Variants in KRABD2 observed in about 807,000 individuals in gnomAD.
The protein encoded by KRABD2 is KRAB domain-containing protein 2.
At chr17:8,373,409 C>T in the KRABD2 span, 2 of 173,236 alleles carry the variant, frequency 1.2e-5, no homozygotes, top group Non-Finnish European at 1.2e-5. Flanking sequence ...CTCCTGACCG[C>T]GAGTGGTCTG....
At chr17:8,372,934 C>T in the KRABD2 span, among the ~76,000 whole-genome samples, 3 of 152,278 alleles carry the variant, frequency 2.0e-5, no homozygotes, top group East Asian at 5.8e-4. This position sits in a 1 kb window ranked among gnomAD's most constrained non-coding sequence, Gnocchi z 4.1. Context: ...ATGAAGGCAA[C>T]AGGCTAGAAA....
chr17:8,376,290 C>T, the KRABD2 span: 1 of 1,227,714 alleles, frequency 8.1e-7, no homozygotes, highest in Non-Finnish European at 1.0e-6. Context: ...TTTGCTGACT[C>T]TTATCATTTA....
the KRABD2 span, chr17:8,370,267 C>A: frequency 6.2e-7 from 1 of 1,613,326 alleles, no homozygotes; most frequent in Non-Finnish European, 8.5e-7. Context: ...AACTTTGTTA[C>A]ACTCATAAGA....
chr17:8,360,757 A>C, the KRABD2 span, among the ~76,000 whole-genome samples: 3 of 152,214 alleles, frequency 2.0e-5, no homozygotes, highest in African/African-American at 7.2e-5. Context: ...CAAACTAAAA[A>C]AAACAAACAA....
chr17:8,376,159 C>G, the KRABD2 span: 1 of 1,231,514 alleles, frequency 8.1e-7, no homozygotes, highest in South Asian at 4.1e-5. Flanking sequence ...GGAGGGCCCA[C>G]GAATACAGAG....
the KRABD2 span, among the ~76,000 whole-genome samples, chr17:8,363,855 ATATATATT>A: frequency 0.044 from 3,008 of 67,616 alleles, 72 homozygotes; most frequent in African/African-American, 0.064. Context: ...ATATATATAT[ATATATATT>A]TATTTATTTA....
chr17:8,361,225 C>G, the KRABD2 span, among the ~76,000 whole-genome samples: 4 of 152,080 alleles, frequency 2.6e-5, no homozygotes, highest in Non-Finnish European at 4.4e-5. Flanking sequence ...GGGACATGTG[C>G]CCTGGCAGGA....
the KRABD2 span, among the ~76,000 whole-genome samples, chr17:8,374,937 C>CAAAAAAAAAAAAAAAAAAAAAAAAA: frequency 4.1e-4 from 19 of 46,180 alleles, 1 homozygote; most frequent in East Asian, 1.1e-3. Flanking sequence ...GACTCTGTCA[C>CAAAAAAAAAAAAAAAAAAAAAAAAA]AAAAAAAAAA....
the KRABD2 span, among the ~76,000 whole-genome samples, chr17:8,362,932 C>G: frequency 6.6e-6 from 1 of 152,152 alleles, no homozygotes; most frequent in Non-Finnish European, 1.5e-5. This position sits in a 1 kb window ranked among gnomAD's most constrained non-coding sequence, Gnocchi z 4.2. Flanking sequence ...CTAGACTGGT[C>G]AAGGCAAGAA....
chr17:8,370,304 C>A, the KRABD2 span: 2 of 1,611,184 alleles, frequency 1.2e-6, no homozygotes, highest in Non-Finnish European at 1.7e-6. Context: ...TACTTATCTC[C>A]ATTTCCATTT....
chr17:8,358,938 A>G, the KRABD2 span, among the ~76,000 whole-genome samples: 1 of 152,228 alleles, frequency 6.6e-6, no homozygotes, highest in Non-Finnish European at 1.5e-5. Flanking sequence ...TACTCTTCAG[A>G]CAATATTCAC....
At chr17:8,371,612 G>A in the KRABD2 span, 2 of 1,476,748 alleles carry the variant, frequency 1.4e-6, no homozygotes, top group South Asian at 1.4e-5. Flanking sequence ...CTAACAAGAT[G>A]AGTACAGCTT....
the KRABD2 span, among the ~76,000 whole-genome samples, chr17:8,373,149 C>CTCTCCGTCTCCG: frequency 2.8e-4 from 42 of 150,082 alleles, no homozygotes; most frequent in African/African-American, 6.4e-4. Context: ...CTCTCTCCCT[C>CTCTCCGTCTCCG]TCTCCGTCTC....
the KRABD2 span, chr17:8,371,252 C>T: frequency 3.9e-3 from 5,278 of 1,362,212 alleles, 29 homozygotes; most frequent in Non-Finnish European, 4.1e-3. Context: ...TTTTAAATGA[C>T]GGTTTCCCCT....
At chr17:8,362,198 C>T in the KRABD2 span, among the ~76,000 whole-genome samples, 2 of 151,932 alleles carry the variant, frequency 1.3e-5, no homozygotes, top group Admixed American at 6.6e-5. The surrounding 1 kb of genome is among the most constrained non-coding windows in gnomAD (Gnocchi z 4.2). Flanking sequence ...GGCGTGTTGG[C>T]GGGTGCCTGT....
the KRABD2 span, among the ~76,000 whole-genome samples, chr17:8,363,106 G>T: frequency 6.6e-6 from 1 of 152,294 alleles, no homozygotes; most frequent in African/African-American, 2.4e-5. Flanking sequence ...AATTGGCTAG[G>T]GGCAGTGAGG....
chr17:8,369,455 T>C, the KRABD2 span: 1 of 1,614,090 alleles, frequency 6.2e-7, no homozygotes, highest in Admixed American at 1.7e-5. Flanking sequence ...ATCGGAGGCC[T>C]TTGGCCCAGT....
chr17:8,373,178 C>CCTCTCCCTCTCT, the KRABD2 span, among the ~76,000 whole-genome samples: 4 of 148,840 alleles, frequency 2.7e-5, no homozygotes, highest in African/African-American at 1.0e-4. Context: ...TCTCCGTCTC[C>CCTCTCCCTCTCT]ACGGTCTCCC....
At chr17:8,372,602 G>A in the KRABD2 span, among the ~76,000 whole-genome samples, 1 of 152,198 alleles carries the variant, frequency 6.6e-6, no homozygotes, top group African/African-American at 2.4e-5. This position sits in a 1 kb window ranked among gnomAD's most constrained non-coding sequence, Gnocchi z 4.1. Flanking sequence ...GGTCCTACTA[G>A]TTCTAACAGA....
Sources: allele counts gnomAD v4.1 joint callset (sites outside exome capture counted in the v4.1 genomes callset), GRCh38; gene constraint gnomAD v4.1.1; non-coding constraint Gnocchi (gnomAD v3.1); transcripts MANE v1.5; gene names NCBI Gene and HGNC (gene_info 2026-07-23, HGNC 2026-07-21).